WDR45B: variants seen among roughly 807,000 people sequenced by gnomAD.
The protein encoded by WDR45B is WD repeat domain 45B.
In WDR45B, 20 loss-of-function variants were observed where a neutral mutation model predicts 44.6. The ratio of observed to expected loss-of-function variants is 0.45; its 90% CI spans 0.32 to 0.65. The LOEUF (loss-of-function observed/expected upper bound fraction) is 0.65, where lower values mean the gene tolerates loss of function less well. Among genes scored for constraint, WDR45B ranks in the 30% least tolerant of loss-of-function variants. The probability of loss-of-function intolerance (pLI) is 0.05; values close to 1 mark genes in which losing one functional copy is unlikely to be tolerated. For missense variants in WDR45B, 323 were observed against 430.2 expected, an observed-to-expected ratio of 0.75 and a Z score of 2.20; for synonymous variants, 169 against 164.9, an observed-to-expected ratio of 1.02 and a Z score of -0.19.
chr17:82,648,131 C>T, intron 1 of WDR45B, 143 bp downstream of exon 1: 2 of 963,698 alleles, frequency 2.1e-6, no homozygotes, highest in Non-Finnish European at 2.9e-6. Context: ...GGGCCGGGGG[C>T]TTCGGAGGGG....
At chr17:82,634,298 GC>G (rs2045806977) in intron 2 of WDR45B, among the ~76,000 whole-genome samples, 1 of 151,550 alleles carries the variant, frequency 6.6e-6, no homozygotes, top group Non-Finnish European at 1.5e-5. Flanking sequence ...GACCATCCTG[GC>G]CAACATGGTG....
In WDR45B at chr17:82,627,432, C is replaced by T. The variant is rs891761678; in HGVS notation, c.245-141G>A. 4.2e-5 allele frequency: 31 copies of T among 737,838 alleles called. No homozygotes were observed. The Middle Eastern group carries it at 1.1e-3, about 26-fold the overall frequency. The allele number at this position is 737,838 out of a possible 1,614,324, so 45.7% of individuals were successfully genotyped here. On this transcript the variant is annotated intron_variant, in intron 3 of 9. Transcript: ENST00000392325. ...CACCCTCAGGCCTCAGACACACACC[C>T]GCACCTGGGAGGCCTTGGGGTGTAA... is the stretch of plus-strand genomic sequence containing the variant.
intron 1 of WDR45B, 142 bp from the exon 2 acceptor site, chr17:82,644,165 G>A (rs1750082672): frequency 7.9e-6 from 6 of 762,450 alleles, no homozygotes; most frequent in Non-Finnish European, 1.4e-5. Flanking sequence ...CACAACTCCT[G>A]TCCTTGTACA....
At chr17:82,629,933 C>G (rs2045746103) in intron 3 of WDR45B, 1 of 985,160 alleles carries the variant, frequency 1.0e-6, no homozygotes, top group African/African-American at 1.7e-5. Flanking sequence ...TTCTGAACTG[C>G]CTCCCTCACT....
Position 82,615,978 on chromosome 17 carries a change from C to T in WDR45B, c.976G>A (p.Gly326Arg). The part of the protein sequence containing the change: ...SYYKFLFNPK[G>R]ECIRDVYAQF... ...GCGTAGACATCTCGGATGCACTCCC[C>T]CTTGGGGTTGAACAGGAATTTGTAG... Residue 326 changes from glycine to arginine, a missense_variant, in exon 10 of 10, where the codon GGG becomes AGG. Coordinates refer to ENST00000392325, the MANE Select transcript of WDR45B (RefSeq NM_019613.4). The T allele has an allele frequency of 1.9e-6, 3 of 1,613,908 alleles. No homozygotes were observed. The highest frequency in any genetic ancestry group is 1.1e-5 in the South Asian group (1 of 91,072).
chr17:82,632,286 C>T (rs1036508950), intron 2 of WDR45B, among the ~76,000 whole-genome samples: 8 of 151,858 alleles, frequency 5.3e-5, no homozygotes, highest in South Asian at 2.1e-4. Context: ...TTCAGCCTCC[C>T]GAGTAGCTGG....
intron 1 of WDR45B, among the ~76,000 whole-genome samples, chr17:82,646,954 G>C (rs2045985891): frequency 6.6e-6 from 1 of 152,068 alleles, no homozygotes; most frequent in African/African-American, 2.4e-5. Flanking sequence ...TAATCCGGCC[G>C]GGCGCAGTGG....
At chr17:82,643,099 AC>A (rs1445212222) in intron 2 of WDR45B, among the ~76,000 whole-genome samples, 1 of 152,118 alleles carries the variant, frequency 6.6e-6, no homozygotes, top group Non-Finnish European at 1.5e-5. Context: ...TTTTACAATA[AC>A]TCTGAGGCAG....
At chr17:82,624,002 G>T (rs1413551375) in intron 5 of WDR45B, among the ~76,000 whole-genome samples, 1 of 152,050 alleles carries the variant, frequency 6.6e-6, no homozygotes, top group African/African-American at 2.4e-5. Flanking sequence ...ATAAACGGCC[G>T]CATTTTATAG....
intron 3 of WDR45B, among the ~76,000 whole-genome samples, chr17:82,627,514 G>A (rs558108301): frequency 9.2e-5 from 14 of 152,226 alleles, no homozygotes; most frequent in Admixed American, 3.3e-4. Context: ...CACTCAAAGC[G>A]TCTCCCCTTC....
chr17:82,647,575 A>G (rs1045458163), intron 1 of WDR45B, among the ~76,000 whole-genome samples: 2 of 152,170 alleles, frequency 1.3e-5, no homozygotes, highest in African/African-American at 4.8e-5. Flanking sequence ...CCGACATGGG[A>G]AAAGAAGTAA....
chr17:82,630,427 A>G (rs1332383128), intron 3 of WDR45B, among the ~76,000 whole-genome samples: 2 of 152,056 alleles, frequency 1.3e-5, no homozygotes, highest in African/African-American at 4.8e-5. Flanking sequence ...GGCTGTCAGG[A>G]AAGCTATCTA....
intron 2 of WDR45B, among the ~76,000 whole-genome samples, chr17:82,639,188 T>A (rs983380436): frequency 7.2e-5 from 11 of 152,026 alleles, no homozygotes; most frequent in African/African-American, 2.4e-4. Context: ...TTCTCTACTT[T>A]CTTTTTCCTT....
chr17:82,626,662 A>ATT (rs1052704541), intron 4 of WDR45B: 1 of 159,298 alleles, frequency 6.3e-6, no homozygotes, highest in Non-Finnish European at 1.4e-5. Context: ...TGCAAATCAT[A>ATT]TTAAATAAAA....
At chr17:82,621,042 G>A (rs1050718679) in intron 6 of WDR45B, among the ~76,000 whole-genome samples, 2 of 145,828 alleles carry the variant, frequency 1.4e-5, no homozygotes, top group African/African-American at 5.2e-5. Flanking sequence ...GGATGTGGAC[G>A]TATTTTTGTT....
chr17:82,618,359 C>T (rs1367443938), intron 7 of WDR45B, among the ~76,000 whole-genome samples: 4 of 152,232 alleles, frequency 2.6e-5, no homozygotes, highest in African/African-American at 9.6e-5. Flanking sequence ...CACTAGACAC[C>T]CGGGGGGCTG....
chr17:82,625,644 G>A, intron 4 of WDR45B, 161 bp from the exon 5 acceptor site: 1 of 734,496 alleles, frequency 1.4e-6, no homozygotes, highest in South Asian at 1.5e-5. Flanking sequence ...GCCAGCGCCA[G>A]GCCTGGAGCT....
chr17:82,647,057 C>T (rs898378416), intron 1 of WDR45B, among the ~76,000 whole-genome samples: 1 of 152,202 alleles, frequency 6.6e-6, no homozygotes, highest in East Asian at 1.9e-4. Flanking sequence ...GGTGAAACCC[C>T]GTCTCTACTA....
chr17:82,624,171 C>A (rs1465030127), intron 5 of WDR45B, among the ~76,000 whole-genome samples: 2 of 152,312 alleles, frequency 1.3e-5, no homozygotes, highest in South Asian at 2.1e-4. Flanking sequence ...CAAAGTAACA[C>A]ACATACACAC....
Sources: gnomAD v4.1 joint callset for allele counts (sites outside exome capture counted in the v4.1 genomes callset) on GRCh38, gnomAD v4.1.1 for gene constraint, MANE v1.5 for transcripts, NCBI Gene and HGNC (gene_info 2026-07-23, HGNC 2026-07-21) for gene names.